TRIP10: variants seen among roughly 807,000 people sequenced by gnomAD.
The protein encoded by TRIP10 is cdc42-interacting protein 4.
TRIP10 carries 54 observed loss-of-function variants against 80.9 expected under a neutral mutation model. The ratio of observed to expected loss-of-function variants is 0.67; its 90% CI spans 0.54 to 0.84. TRIP10 has a LOEUF of 0.84. Ranked by LOEUF, TRIP10 falls within the 40% of genes least tolerant of loss-of-function variation. TRIP10 has a pLI of 0.00. For missense variants in TRIP10, 773 were observed against 815.3 expected (o/e 0.95, Z 0.63); for synonymous variants, 321 against 307.2 (o/e 1.04, Z -0.47).
intron 7 of TRIP10, 83 bp downstream of exon 7, chr19:6,743,919 C>G: frequency 1.3e-6 from 2 of 1,536,688 alleles, no homozygotes; most frequent in Non-Finnish European, 1.8e-6. Flanking sequence ...AAAACCCCAG[C>G]TGCAATGTCC....
chr19:6,751,448 G>A lies in TRIP10; in HGVS notation c.*237G>A, dbSNP rs1211403611. 3 of 1,036,534 alleles carry A rather than the reference G, an allele frequency of 2.9e-6. No homozygotes were observed. The highest frequency in any genetic ancestry group is 3.8e-6 in the Non-Finnish European group (3 of 791,072). 64.2% of individuals were successfully genotyped at this position (1,036,534 alleles called of 1,614,324 possible). ...ATGTTTTACATCTTTTCTTTCTGCC[G>A]CTCGGCTCCGGCCATTTTGTTTTAT... On this transcript the variant is annotated 3_prime_UTR_variant, in exon 15 of 15. Transcript: ENST00000313244.
intron 6 of TRIP10, 22 bp from the exon 7 acceptor site, chr19:6,743,686 C>A (rs777132596): frequency 6.2e-7 from 1 of 1,613,464 alleles, no homozygotes; most frequent in South Asian, 1.1e-5. Context: ...CTGGCAGTAC[C>A]TTCCACCTCT....
At chr19:6,743,332 GCCCTCTTTGTCAGACCTGGACCTT>G in intron 5 of TRIP10, 76 bp downstream of exon 5, 1 of 1,583,184 alleles carries the variant, frequency 6.3e-7, no homozygotes, top group South Asian at 1.1e-5. Context: ...TCAGGGAGCT[GCCCTCTTTGTCAGACCTGGACCTT>G]CCCTCCCCCA....
chr19:6,750,092 G>A (rs1382446848), intron 12 of TRIP10, 26 bp downstream of exon 12: 8 of 1,608,056 alleles, frequency 5.0e-6, no homozygotes, highest in South Asian at 2.2e-5. Flanking sequence ...GGGGAGGGGC[G>A]GGAGCCAGCG....
rs1195125098 is a variant in TRIP10, at chr19:6,751,103, C to T, written c.1698C>T (p.Asp566=). 6.2e-7 allele frequency: 1 copy of T among 1,609,238 alleles called. No individual in the cohort carries two copies. Among genetic ancestry groups the T allele is most frequent in the Non-Finnish European group, 8.5e-7 (1 of 1,177,668 alleles). The part of the protein sequence containing the change: ...EGTISMAEGE[D]LSLMEEDKGD... ...CTATCTCTATGGCCGAGGGTGAAGA[C>T]CTCAGTCTTATGGAAGAAGACAAAG... The change falls in exon 15 of 15, where the codon GAC becomes GAT. Residue 566 remains aspartate (D), a synonymous_variant. Coordinates refer to ENST00000313244, the MANE Select transcript of TRIP10 (RefSeq NM_001288962.2).
Position 6,744,968 on chromosome 19 carries a change from C to T in TRIP10, c.958C>T (p.Arg320Cys), listed in dbSNP as rs767941294. ...LRGPGRSRTK[R>C]WPFGKKNKPR... ...AGGCCCGGGTCGCAGCCGCACCAAG[C>T]GCTGGCCTTTTGGCAAGAAGAACAA... Residue 320 changes from arginine (R) to cysteine (C), a missense_variant, in exon 9 of 15, where the codon CGC becomes TGC. Arg to Cys is a radical substitution (Grantham distance 180). Transcript: ENST00000313244. The surrounding 1 kb of genome is among the most constrained non-coding windows in gnomAD (Gnocchi z 4.9). 7.6e-5 allele frequency: 123 copies of T among 1,613,572 alleles called. No homozygotes were observed. Among genetic ancestry groups the T allele is most frequent in the East Asian group, 1.6e-4 (7 of 44,886 alleles).
In TRIP10 at chr19:6,743,908, C is replaced by T. The variant is rs1599560780; in HGVS notation, c.642+72C>T. ...TGTTAGCCAACTCCTACGCATTCAT[C>T]AAAACCCCAGCTGCAATGTCCCAGT... On this transcript the variant is annotated intron_variant, in intron 7 of 14. Coordinates refer to ENST00000313244, the MANE Select transcript of TRIP10 (RefSeq NM_001288962.2). 56 of 1,570,478 alleles carry T rather than the reference C, an allele frequency of 3.6e-5. 4 individuals carry two copies. In the South Asian group the frequency reaches 6.0e-4, roughly 17 times the overall value.
chr19:6,743,623 G>GGGGGGC (rs1555692545), intron 6 of TRIP10, 25 bp downstream of exon 6: 335 of 1,437,770 alleles, frequency 2.3e-4, no homozygotes, highest in Admixed American at 1.5e-3. Context: ...GGCGGGGGGG[G>GGGGGGC]GGTGCGGGGT....
chr19:6,740,597 GC>G (rs1407218802), intron 1 of TRIP10: 2 of 179,586 alleles, frequency 1.1e-5, no homozygotes, highest in Non-Finnish European at 2.4e-5. Context: ...CCTGGTGCCT[GC>G]CCCCTGGCCA....
intron 1 of TRIP10, 29 bp downstream of exon 1, chr19:6,739,814 C>A: frequency 6.9e-7 from 1 of 1,450,168 alleles, no homozygotes; most frequent in Non-Finnish European, 9.1e-7. Flanking sequence ...CCTCTAAGTT[C>A]CCCTTTGCTG....
Position 6,751,420 on chromosome 19 carries a change from C to A in TRIP10, c.*209C>A, listed in dbSNP as rs939800843. 4.2e-6 allele frequency: 5 copies of A among 1,200,346 alleles called. No individual in the cohort carries two copies. The highest frequency in any genetic ancestry group is 8.1e-5 in the Admixed American group (2 of 24,560). 74.4% of individuals were successfully genotyped at this position (1,200,346 alleles called of 1,614,324 possible). A position where few individuals can be genotyped will look rare whatever the true frequency, so the allele number is the denominator to read the frequency against. ...CATCGTTCCACCATTGATGTACATA[C>A]TCATGTTTTACATCTTTTCTTTCTG... is the stretch of plus-strand genomic sequence containing the variant. On this transcript the variant is annotated 3_prime_UTR_variant, in exon 15 of 15. Coordinates refer to ENST00000313244, the MANE Select transcript of TRIP10 (RefSeq NM_001288962.2).
intron 5 of TRIP10, 49 bp downstream of exon 5, chr19:6,743,305 G>A: frequency 1.2e-6 from 2 of 1,607,350 alleles, no homozygotes; most frequent in Non-Finnish European, 1.7e-6. Flanking sequence ...CATGGGGGCA[G>A]GGTTGCGGAT....
chr19:6,750,140 G>A (rs543024976), intron 12 of TRIP10, 74 bp downstream of exon 12: 103 of 1,546,456 alleles, frequency 6.7e-5, no homozygotes, highest in Admixed American at 2.2e-4. Flanking sequence ...GTGGGGGGTC[G>A]GGGACAGGGG....
rs563087326 is a variant in TRIP10 at position 6,750,494 on chromosome 19, C to T, written c.1536-18C>T. The T allele has an allele frequency of 1.8e-5, 29 of 1,613,810 alleles. No individual in the cohort carries two copies. Among genetic ancestry groups the T allele is most frequent in the Admixed American group, 8.3e-5 (5 of 59,968 alleles). On this transcript the variant is annotated intron_variant, in intron 13 of 14. Coordinates refer to ENST00000313244, the MANE Select transcript of TRIP10 (RefSeq NM_001288962.2). Reference sequence around the variant, plus strand: ...CCCAGGAGGGCCTGTCTTTATCTGCCGAATTATCCCCAAACAGCTCTGAAG... The same window carrying T: ...CCCAGGAGGGCCTGTCTTTATCTGCTGAATTATCCCCAAACAGCTCTGAAG...
Position 6,749,935 on chromosome 19 carries a change from G to C in TRIP10, c.1264G>C (p.Glu422Gln). The C allele has an allele frequency of 6.2e-7, 1 of 1,613,668 alleles. No homozygotes were observed. The highest frequency in any genetic ancestry group is 8.5e-7 in the Non-Finnish European group (1 of 1,179,836). Reference sequence around the variant, plus strand: ...TCTATCCTGTCTCCCTTGTCATAGGGAAGCCCTAAAGAAAATGAAGGATGT... The same window carrying C: ...TCTATCCTGTCTCCCTTGTCATAGGCAAGCCCTAAAGAAAATGAAGGATGT... ...RELQKEVDQREALKKMKDVYE... is the reference protein window; with the variant it reads ...RELQKEVDQRQALKKMKDVYE... Residue 422 changes from glutamate to glutamine, a missense_variant and splice_region_variant, in exon 12 of 15, where the codon GAA (glutamate) becomes CAA (glutamine). Transcript: ENST00000313244.
chr19:6,744,410 T>A lies in TRIP10; in HGVS notation c.643-144T>A. 3.3e-6 allele frequency: 4 copies of A among 1,221,336 alleles called. No homozygotes were observed. The South Asian group carries it at 5.6e-5, about 17-fold the overall frequency. The allele number at this position is 1,221,336 out of a possible 1,614,324, so 75.7% of individuals were successfully genotyped here. On this transcript the variant is annotated intron_variant, in intron 7 of 14. Transcript: ENST00000313244. The surrounding 1 kb of genome is among the most constrained non-coding windows in gnomAD (Gnocchi z 4.9). ...CTTCCCCAACCACAGTGGGCTGGAG[T>A]CTCTCTTCCCGACTCTGTCTTCCCC...
chr19:6,750,129 G>A, intron 12 of TRIP10, 63 bp downstream of exon 12: 1 of 1,572,572 alleles, frequency 6.4e-7, no homozygotes, highest in Non-Finnish European at 8.7e-7. Flanking sequence ...TGCTGGGTGG[G>A]GTGGGGGGTC....
chr19:6,745,273 G>A lies in TRIP10; in HGVS notation c.984+279G>A, dbSNP rs1969081647. ...AAACCTGCTGGTGGAATTCAGGGCT[G>A]GCCTGAGGGCTGGTGACACCATCCC... is the stretch of plus-strand genomic sequence containing the variant. On this transcript the variant is annotated intron_variant, in intron 9 of 14. Transcript: ENST00000313244. This position sits in a 1 kb window ranked among gnomAD's most constrained non-coding sequence, Gnocchi z 7.2. 4.0e-6 allele frequency: 2 copies of A among 494,500 alleles called. No homozygotes were observed. The highest frequency in any genetic ancestry group is 3.8e-5 in the East Asian group (1 of 26,328). The allele number at this position is 494,500 out of a possible 1,614,324, so 30.6% of individuals were successfully genotyped here.
intron 11 of TRIP10, among the ~76,000 whole-genome samples, chr19:6,747,683 C>T (rs985757776): frequency 1.3e-5 from 2 of 152,040 alleles, no homozygotes; most frequent in African/African-American, 2.4e-5. Flanking sequence ...ATTCCAGCTA[C>T]TCGGGAGGCT....
Sources: allele counts gnomAD v4.1 joint callset (sites outside exome capture counted in the v4.1 genomes callset), GRCh38; gene constraint gnomAD v4.1.1; non-coding constraint Gnocchi (gnomAD v3.1); transcripts MANE v1.5; gene names NCBI Gene and HGNC (gene_info 2026-07-23, HGNC 2026-07-21).